The following MCF2L2 variants were observed in gnomAD, a reference collection of about 807,000 sequenced individuals.
MCF2L2 encodes MCF.2 cell line derived transforming sequence-like 2.
In MCF2L2, 102 loss-of-function variants were observed where a neutral mutation model predicts 150.2. That is an observed-to-expected ratio of 0.68 (90% CI 0.58 to 0.80). The LOEUF (loss-of-function observed/expected upper bound fraction) is 0.80. Ranked by LOEUF, MCF2L2 falls within the 30% of genes least tolerant of loss-of-function variation. MCF2L2 has a pLI of 0.00. For missense variants in MCF2L2, 1,256 were observed against 1,372.8 expected, an observed-to-expected ratio of 0.91 and a Z score of 1.34; for synonymous variants, 465 against 491.3, an observed-to-expected ratio of 0.95 and a Z score of 0.71.
chr3:183,309,144 T>C (rs896478229), intron 10 of MCF2L2, among the ~76,000 whole-genome samples: 4 of 152,242 alleles, frequency 2.6e-5, no homozygotes, highest in Non-Finnish European at 4.4e-5. Context: ...TTTTACAAGT[T>C]TCACATTTAC....
intron 13 of MCF2L2, among the ~76,000 whole-genome samples, chr3:183,293,143 G>T (rs1184361491): frequency 6.6e-6 from 1 of 151,930 alleles, no homozygotes; most frequent in Non-Finnish European, 1.5e-5. Context: ...AAAGACAGAA[G>T]AATAGAAAAC....
intron 1 of MCF2L2, among the ~76,000 whole-genome samples, chr3:183,409,987 C>G (rs914701751): frequency 1.3e-5 from 2 of 152,128 alleles, no homozygotes; most frequent in African/African-American, 2.4e-5. Flanking sequence ...TGAGGTCATT[C>G]TTTCTTTCAA....
intron 3 of MCF2L2, among the ~76,000 whole-genome samples, chr3:183,350,809 C>A (rs1459154670): frequency 6.6e-6 from 1 of 151,676 alleles, no homozygotes; most frequent in African/African-American, 2.4e-5. Flanking sequence ...GAGGCTGAGG[C>A]TGGAGAATGG....
At chr3:183,202,988 C>T (rs780208096) in intron 25 of MCF2L2, among the ~76,000 whole-genome samples, 5 of 152,196 alleles carry the variant, frequency 3.3e-5, no homozygotes, top group Non-Finnish European at 7.3e-5. Context: ...GCAGGCAGAT[C>T]ACCAGAGGTC....
intron 2 of MCF2L2, among the ~76,000 whole-genome samples, chr3:183,384,264 G>A (rs1011502250): frequency 3.9e-5 from 6 of 152,134 alleles, no homozygotes; most frequent in African/African-American, 1.4e-4. Flanking sequence ...AACTAACTTT[G>A]GGAGAAATTT....
chr3:183,311,802 C>A, intron 7 of MCF2L2, 30 bp from the exon 8 acceptor site: 1 of 1,597,952 alleles, frequency 6.3e-7, no homozygotes, highest in Non-Finnish European at 8.5e-7. Context: ...TCTCTTAGAA[C>A]GAATTAGAAA....
At chr3:183,325,059 T>C (rs918428366) in intron 5 of MCF2L2, among the ~76,000 whole-genome samples, 3 of 131,654 alleles carry the variant, frequency 2.3e-5, no homozygotes, top group African/African-American at 5.9e-5. Flanking sequence ...TAGGTGGGAA[T>C]TGAACAATGA....
intron 1 of MCF2L2, among the ~76,000 whole-genome samples, chr3:183,408,472 GTTC>G (rs1229551154): frequency 6.6e-6 from 1 of 152,188 alleles, no homozygotes; most frequent in Non-Finnish European, 1.5e-5. Context: ...TGGTGGCCTG[GTTC>G]TGGCCCCTAG....
At chr3:183,277,657 A>G (rs73884630) in intron 14 of MCF2L2, among the ~76,000 whole-genome samples, 3,890 of 148,066 alleles carry the variant, frequency 0.026, 173 homozygotes, top group African/African-American at 0.089. Context: ...TATATTCCAA[A>G]TATATATATA....
chr3:183,198,331 A>G (rs1722143287), intron 25 of MCF2L2, among the ~76,000 whole-genome samples: 1 of 150,732 alleles, frequency 6.6e-6, no homozygotes, highest in Non-Finnish European at 1.5e-5. Context: ...AGCCAGACCA[A>G]AAAAAAAAGT....
chr3:183,379,202 G>T, intron 3 of MCF2L2, 95 bp downstream of exon 3: 2 of 823,610 alleles, frequency 2.4e-6, no homozygotes, highest in East Asian at 5.7e-5. Context: ...GGTACACCAT[G>T]CTCATGGAAG....
chr3:183,404,123 ATAACTT>A (rs1223945865), intron 1 of MCF2L2, among the ~76,000 whole-genome samples: 2 of 152,216 alleles, frequency 1.3e-5, no homozygotes, highest in Non-Finnish European at 2.9e-5. Context: ...GAAAGGTTTA[ATAACTT>A]TAACATTTAA....
intron 25 of MCF2L2, among the ~76,000 whole-genome samples, chr3:183,199,585 G>A (rs1249783704): frequency 1.3e-5 from 2 of 150,186 alleles, no homozygotes; most frequent in Non-Finnish European, 3.0e-5. Context: ...AAAATGGTTA[G>A]AAAATTTATT....
chr3:183,423,444 A>T (rs16857455), intron 1 of MCF2L2, among the ~76,000 whole-genome samples: 4,500 of 152,206 alleles, frequency 0.03, 208 homozygotes, highest in African/African-American at 0.1. Context: ...GTTTCAAAGG[A>T]TATTCTTTTC....
intron 22 of MCF2L2, among the ~76,000 whole-genome samples, chr3:183,214,513 T>A (rs1168986769): frequency 6.6e-6 from 1 of 152,084 alleles, no homozygotes; most frequent in African/African-American, 2.4e-5. Context: ...TTTTCGGACC[T>A]TAATAACTTT....
At chr3:183,313,436 T>C (rs1398774308) in intron 7 of MCF2L2, among the ~76,000 whole-genome samples, 3 of 152,200 alleles carry the variant, frequency 2.0e-5, no homozygotes, top group Non-Finnish European at 4.4e-5. Context: ...TCACAAGTGA[T>C]GTCACACACT....
intron 25 of MCF2L2, among the ~76,000 whole-genome samples, chr3:183,195,474 C>G (rs544471407): frequency 2.4e-4 from 37 of 152,164 alleles, no homozygotes; most frequent in Admixed American, 1.8e-3. Context: ...GTCTCTACCC[C>G]ATCCTGCTGA....
intron 2 of MCF2L2, among the ~76,000 whole-genome samples, chr3:183,381,532 T>C (rs1341682430): frequency 1.3e-5 from 2 of 152,232 alleles, no homozygotes; most frequent in African/African-American, 4.8e-5. Context: ...GAATGTGTTA[T>C]TGAGCAAACA....
intron 15 of MCF2L2, chr3:183,265,098 C>T (rs1725971882): frequency 6.6e-6 from 1 of 152,230 alleles, no homozygotes; most frequent in African/African-American, 2.4e-5. Context: ...TTTCAGCAGG[C>T]TCTGAAGTCA....
Sources: gnomAD v4.1 joint callset for allele counts (sites outside exome capture counted in the v4.1 genomes callset) on GRCh38, gnomAD v4.1.1 for gene constraint, MANE v1.5 for transcripts, NCBI Gene and HGNC (gene_info 2026-07-23, HGNC 2026-07-21) for gene names.